The following SLCO1A2 variants were observed in gnomAD, a reference collection of about 807,000 sequenced individuals.
The protein encoded by SLCO1A2 is OATP-1.
Under a neutral mutation model 69.0 loss-of-function variants are expected in SLCO1A2, and 67 were observed. The observed-to-expected ratio is 0.97, with a 90% CI of 0.80 to 1.19. The LOEUF (loss-of-function observed/expected upper bound fraction) is 1.19, where lower values mean the gene tolerates loss of function less well. SLCO1A2 is among the 50% of genes most tolerant of loss of function. SLCO1A2 has a pLI of 0.00. For synonymous variants in SLCO1A2, 260 were observed against 265.9 expected (o/e 0.98, Z 0.22); for missense variants, 787 against 793.7 (o/e 0.99, Z 0.10).
chr12:21,299,894 A>ATATATATATACGTGTGTG (rs1948436720), intron 8 of SLCO1A2, among the ~76,000 whole-genome samples: 1 of 146,686 alleles, frequency 6.8e-6, no homozygotes, highest in African/African-American at 2.5e-5. Flanking sequence ...ATACGTGTAT[A>ATATATATATACGTGTGTG]TATATATATA....
intron 2 of SLCO1A2, among the ~76,000 whole-genome samples, chr12:21,329,097 A>G (rs1321678493): frequency 6.6e-6 from 1 of 152,142 alleles, no homozygotes; most frequent in African/African-American, 2.4e-5. Context: ...CTCATCAGCA[A>G]TTTAATAGTG....
chr12:21,316,168 C>T (rs908160750), intron 3 of SLCO1A2, among the ~76,000 whole-genome samples: 5 of 152,140 alleles, frequency 3.3e-5, no homozygotes, highest in African/African-American at 4.8e-5. Context: ...TACCACGTTC[C>T]TTCAGTTTGA....
chr12:21,414,099 G>C (rs1470892991), intron 1 of SLCO1A2, among the ~76,000 whole-genome samples: 1 of 151,932 alleles, frequency 6.6e-6, no homozygotes, highest in African/African-American at 2.4e-5. Flanking sequence ...CTAACACTTT[G>C]AGTTGGTCTG....
chr12:21,388,652 C>T (rs570188733), intron 1 of SLCO1A2, among the ~76,000 whole-genome samples: 1 of 152,198 alleles, frequency 6.6e-6, no homozygotes, highest in Admixed American at 6.5e-5. Flanking sequence ...TGGACTAATA[C>T]ATCTAGCAAT....
chr12:21,339,695 A>G (rs140816724), upstream of SLCO1A2, among the ~76,000 whole-genome samples: 52 of 152,076 alleles, frequency 3.4e-4, no homozygotes, highest in East Asian at 7.0e-3. Flanking sequence ...AGGCTATATC[A>G]GAAAAGGGAA....
rs751879969 is a variant in SLCO1A2 at position 21,274,533 on chromosome 12, G to A, written c.1729C>T (p.His577Tyr). The A allele has an allele frequency of 1.2e-6, 2 of 1,613,748 alleles. No homozygotes were observed. The highest frequency in any genetic ancestry group is 1.1e-5 in the South Asian group (1 of 91,086). Residue 577 changes from histidine to tyrosine, a missense_variant, in exon 14 of 15, where the codon CAC becomes TAC. By Grantham distance (83) the His-to-Tyr change is moderately conservative. Transcript: ENST00000683939. The stretch of plus-strand genomic sequence containing the variant: ...TCACCACATTTCAAAGTTCCCCAGT[G>A]TAAACATGTGGAATCCATTAAAGCG... ...FGALMDSTCLHWGTLKCGESG... is the reference protein window; with the variant it reads ...FGALMDSTCLYWGTLKCGESG...
intron 2 of SLCO1A2, among the ~76,000 whole-genome samples, chr12:21,351,202 T>C (rs1937922847): frequency 6.6e-6 from 1 of 152,070 alleles, no homozygotes. Context: ...TATAGACAAA[T>C]ACGTGACATG....
chr12:21,330,300 C>T (rs144704241), intron 2 of SLCO1A2, among the ~76,000 whole-genome samples: 13 of 152,010 alleles, frequency 8.6e-5, no homozygotes, highest in Non-Finnish European at 1.5e-4. Flanking sequence ...CGAGACCAGC[C>T]TGGGCAACAT....
intron 4 of SLCO1A2, among the ~76,000 whole-genome samples, chr12:21,307,246 C>CAA (rs1201117788): frequency 1.3e-5 from 2 of 152,116 alleles, no homozygotes; most frequent in Non-Finnish European, 1.5e-5. Flanking sequence ...TATCAAATAT[C>CAA]AACTTTCTTT....
upstream of SLCO1A2, among the ~76,000 whole-genome samples, chr12:21,400,063 A>G (rs557496230): frequency 6.6e-6 from 1 of 151,610 alleles, no homozygotes; most frequent in Non-Finnish European, 1.5e-5. Context: ...GCACAGCGAA[A>G]GAAACTACCA....
chr12:21,279,667 C>T (rs977674672), intron 12 of SLCO1A2, among the ~76,000 whole-genome samples: 3 of 152,242 alleles, frequency 2.0e-5, no homozygotes, highest in African/African-American at 7.2e-5. Context: ...GGGATTTCAT[C>T]AATACCAGCC....
Position 21,275,390 on chromosome 12 carries a change from C to T in SLCO1A2, c.1645G>A (p.Gly549Arg), listed in dbSNP as rs1437697673. ...MKSEEKSLGV[G>R]LHTFCTRVFA... is the part of the protein sequence containing the mutation. Reference sequence around the variant, plus strand: ...ACTCTTGTGCAAAATGTATGTAATCCCACACCAAGGGACTTCTCTTCAGAT... The same window carrying T: ...ACTCTTGTGCAAAATGTATGTAATCTCACACCAAGGGACTTCTCTTCAGAT... The change falls in exon 13 of 15, where the codon GGA becomes AGA. Residue 549 changes from glycine (G) to arginine (R), a missense_variant. Transcript: ENST00000683939. The T allele has an allele frequency of 6.5e-7, 1 of 1,547,310 alleles. No homozygotes were observed. The highest frequency in any genetic ancestry group is 1.2e-5 in the South Asian group (1 of 80,898).
intron 1 of SLCO1A2, among the ~76,000 whole-genome samples, chr12:21,375,428 C>G (rs895175756): frequency 6.6e-6 from 1 of 152,092 alleles, no homozygotes; most frequent in Non-Finnish European, 1.5e-5. Context: ...ATTTTAAACT[C>G]TTTTTAAAAA....
At chr12:21,404,375 C>T (rs1324818397) in intron 1 of SLCO1A2, among the ~76,000 whole-genome samples, 3 of 152,142 alleles carry the variant, frequency 2.0e-5, no homozygotes, top group African/African-American at 4.8e-5. Context: ...AGCTATTTAT[C>T]CTGATGCTCT....
intron 1 of SLCO1A2, chr12:21,403,719 T>A: frequency 6.7e-6 from 1 of 150,254 alleles, no homozygotes; most frequent in African/African-American, 2.4e-5. Flanking sequence ...TGCTTTTTTT[T>A]TTTTTTTTTT....
At chr12:21,365,872 T>G (rs1565517964) in intron 2 of SLCO1A2, among the ~76,000 whole-genome samples, 1 of 152,172 alleles carries the variant, frequency 6.6e-6, no homozygotes, top group Non-Finnish European at 1.5e-5. Context: ...CCAGTTAGAC[T>G]GGCAATCATT....
intron 1 of SLCO1A2, among the ~76,000 whole-genome samples, chr12:21,417,107 A>G (rs1942001139): frequency 1.3e-5 from 2 of 152,232 alleles, no homozygotes; most frequent in African/African-American, 4.8e-5. Context: ...TATTCCTGAT[A>G]TGACTTCACT....
intron 8 of SLCO1A2, among the ~76,000 whole-genome samples, chr12:21,299,588 T>G (rs1219624804): frequency 6.6e-6 from 1 of 150,858 alleles, no homozygotes; most frequent in African/African-American, 2.4e-5. Flanking sequence ...TGATTTAACT[T>G]CCAGGAAGCT....
chr12:21,284,276 T>C (rs560652095), intron 12 of SLCO1A2, among the ~76,000 whole-genome samples: 1 of 151,990 alleles, frequency 6.6e-6, no homozygotes, highest in African/African-American at 2.4e-5. Flanking sequence ...GATGGCCAAA[T>C]AGGAACAGCT....
Sources: gnomAD v4.1 joint callset for allele counts (sites outside exome capture counted in the v4.1 genomes callset) on GRCh38, gnomAD v4.1.1 for gene constraint, MANE v1.5 for transcripts, NCBI Gene and HGNC (gene_info 2026-07-23, HGNC 2026-07-21) for gene names.